Variants in TNN observed in about 807,000 individuals in gnomAD.
TNN encodes the protein tenascin N.
TNN carries 122 observed loss-of-function variants against 134.4 expected under a neutral mutation model. The observed-to-expected ratio is 0.91, with a 90% confidence interval of 0.78 to 1.06. The LOEUF is 1.06. TNN is among the 50% of genes least tolerant of loss of function. The pLI is 0.00. For synonymous variants in TNN, 710 were observed against 670.3 expected (o/e 1.06, Z -0.91); for missense variants, 1,739 against 1,699.4 (o/e 1.02, Z -0.41).
At chr1:175,077,183 A>G (rs555005567) in intron 1 of TNN, among the ~76,000 whole-genome samples, 1 of 152,332 alleles carries the variant, frequency 6.6e-6, no homozygotes, top group African/African-American at 2.4e-5. Flanking sequence ...CAGTGTGAAC[A>G]GTAAGCAAAG....
intron 14 of TNN, 96 bp downstream of exon 14, chr1:175,128,260 A>C: frequency 1.7e-6 from 2 of 1,189,468 alleles, no homozygotes; most frequent in Non-Finnish European, 2.4e-6. Context: ...TGGATGCAGA[A>C]CTATTGATTT....
In TNN at chr1:175,116,925, A is replaced by C; in HGVS notation, c.2120-14A>C. The C allele has an allele frequency of 6.5e-7, 1 of 1,550,280 alleles. No individual in the cohort carries two copies. Among genetic ancestry groups the C allele is most frequent in the African/African-American group, 1.4e-5 (1 of 73,042 alleles). Reference sequence around the variant, plus strand: ...AGTTCATAGTGTTCATTGATCAGCAATTTTTTTTTTCAGACATTGACAGCC... The same window carrying C: ...AGTTCATAGTGTTCATTGATCAGCACTTTTTTTTTTCAGACATTGACAGCC... On this transcript the variant is annotated splice_polypyrimidine_tract_variant and intron_variant, in intron 9 of 18. Coordinates refer to ENST00000239462, the MANE Select transcript of TNN (RefSeq NM_022093.2).
In TNN at chr1:175,117,270, G is replaced by GT. The variant is rs375480936; in HGVS notation, c.2386+69dup. On this transcript the variant is annotated intron_variant, in intron 10 of 18. Transcript: ENST00000239462. ...GCTAAGTCAGTGGATGACAAGTTTT[G>GT]TTTTCCTTCTCTGACATTGGCAGAA... 613 of 1,593,830 alleles carry GT rather than the reference G, an allele frequency of 3.8e-4. 5 individuals carry two copies. The African/African-American group carries it at 7.6e-3, about 20-fold the overall frequency.
At chr1:175,146,384 A>G (rs1676068797) in intron 18 of TNN, among the ~76,000 whole-genome samples, 1 of 152,230 alleles carries the variant, frequency 6.6e-6, no homozygotes. Flanking sequence ...GCCAGGTTGC[A>G]GGGTTATTAA....
Position 175,123,438 on chromosome 1 carries a change from A to G in TNN, c.2689A>G (p.Thr897Ala), listed in dbSNP as rs774232889. 1 of 1,614,246 alleles carries G rather than the reference A, an allele frequency of 6.2e-7. No individual in the cohort carries two copies. Among genetic ancestry groups the G allele is most frequent in the South Asian group, 1.1e-5 (1 of 91,082 alleles). Residue 897 changes from threonine (T) to alanine (A), a missense_variant, in exon 12 of 19, where the codon ACG (threonine) becomes GCG (alanine). Coordinates refer to ENST00000239462, the MANE Select transcript of TNN (RefSeq NM_022093.2). ...CAAAAACCTAGTGACTGACTGGGTG[A>G]CGGAGAATATGGCCACTGTCTCCTG... ...GPKNLVTDWVTENMATVSWDP... is the reference protein window; with the variant it reads ...GPKNLVTDWVAENMATVSWDP...
chr1:175,117,756 A>C (rs528546121), intron 10 of TNN, among the ~76,000 whole-genome samples: 2 of 152,358 alleles, frequency 1.3e-5, no homozygotes, highest in Admixed American at 1.3e-4. Context: ...AAGGGGAAAT[A>C]GTAATAGGAT....
chr1:175,132,107 A>G (rs1321565401), intron 15 of TNN, among the ~76,000 whole-genome samples: 4 of 152,266 alleles, frequency 2.6e-5, no homozygotes, highest in East Asian at 3.9e-4. Context: ...ATGTGGAGCC[A>G]TACATCGGTG....
At chr1:175,114,103 G>A (rs968924296) in intron 9 of TNN, among the ~76,000 whole-genome samples, 1 of 152,086 alleles carries the variant, frequency 6.6e-6, no homozygotes, top group Non-Finnish European at 1.5e-5. Context: ...TTCCTTTGGT[G>A]GTGTCATGTT....
intron 17 of TNN, among the ~76,000 whole-genome samples, chr1:175,139,580 C>A (rs138475965): frequency 6.7e-6 from 1 of 150,052 alleles, no homozygotes; most frequent in Non-Finnish European, 1.5e-5. Flanking sequence ...TTCTTGAATA[C>A]GTCCCAAAGG....
At chr1:175,074,286 C>CA (rs1673987064) in intron 1 of TNN, among the ~76,000 whole-genome samples, 1 of 151,932 alleles carries the variant, frequency 6.6e-6, no homozygotes, top group Non-Finnish European at 1.5e-5. Flanking sequence ...AATTCGAGAC[C>CA]AGGTTGGGCA....
chr1:175,101,165 C>T (rs768658311), intron 9 of TNN, among the ~76,000 whole-genome samples: 174 of 152,108 alleles, frequency 1.1e-3, no homozygotes, highest in South Asian at 4.2e-4. Context: ...CTTAAGGTGG[C>T]GCATCTGGAG....
chr1:175,068,112 G>A (rs902087738), intron 1 of TNN, among the ~76,000 whole-genome samples, 177 bp downstream of exon 1: 5 of 152,134 alleles, frequency 3.3e-5, no homozygotes, highest in African/African-American at 1.2e-4. Context: ...TACCTCTCAG[G>A]ACCCGTGTAC....
chr1:175,111,444 GCCACTGCACTC>G (rs1487302463), intron 9 of TNN, among the ~76,000 whole-genome samples: 1 of 118,356 alleles, frequency 8.4e-6, no homozygotes, highest in Admixed American at 1.2e-4. Flanking sequence ...CTGAGATCAT[GCCACTGCACTC>G]CAGCCTGGGA....
intron 7 of TNN, among the ~76,000 whole-genome samples, chr1:175,094,723 G>C (rs6677328): frequency 0.031 from 4,651 of 152,266 alleles, 160 homozygotes; most frequent in South Asian, 0.093. Flanking sequence ...GAAGCCATGA[G>C]GGTTCTCATA....
intron 18 of TNN, 105 bp downstream of exon 18, chr1:175,144,655 T>C: frequency 7.8e-7 from 1 of 1,275,900 alleles, no homozygotes; most frequent in Non-Finnish European, 1.1e-6. Flanking sequence ...TTCTGAAGCT[T>C]CCAGTCAAAG....
At chr1:175,123,156 G>T (rs1675420194) in intron 11 of TNN, among the ~76,000 whole-genome samples, 1 of 152,114 alleles carries the variant, frequency 6.6e-6, no homozygotes, top group Non-Finnish European at 1.5e-5. Context: ...TTGTTATTTT[G>T]ATGAGAATTA....
At chr1:175,117,249 A>C (rs758095139) in intron 10 of TNN, 44 bp downstream of exon 10, 3 of 1,596,942 alleles carry the variant, frequency 1.9e-6, no homozygotes, top group Non-Finnish European at 2.6e-6. Context: ...TTTCATGCTA[A>C]GTCAGTGGAT....
intron 17 of TNN, among the ~76,000 whole-genome samples, chr1:175,138,292 T>A (rs953377168): frequency 1.3e-5 from 2 of 152,230 alleles, no homozygotes; most frequent in African/African-American, 4.8e-5. Context: ...TGTTTCCCAG[T>A]GCCTATCTCA....
chr1:175,093,879 T>C (rs1207461807), intron 6 of TNN, 111 bp from the exon 7 acceptor site: 3 of 1,138,530 alleles, frequency 2.6e-6, no homozygotes, highest in South Asian at 1.6e-5. Context: ...CCCCTTGTAT[T>C]GCATAAACTA....
Sources: gnomAD v4.1 joint callset for allele counts (sites outside exome capture counted in the v4.1 genomes callset) on GRCh38, gnomAD v4.1.1 for gene constraint, MANE v1.5 for transcripts, NCBI Gene and HGNC (gene_info 2026-07-23, HGNC 2026-07-21) for gene names.